The following REC114 variants were observed in gnomAD, a reference collection of about 807,000 sequenced individuals.
The protein encoded by REC114 is REC114 meiotic recombination protein, also known as meiotic recombination protein REC114.
Under a neutral mutation model 31.3 loss-of-function variants are expected in REC114, and 27 were observed. The observed-to-expected ratio is 0.86, with a 90% CI of 0.64 to 1.19. The LOEUF is 1.19. Ranked by LOEUF, REC114 falls within the 50% of genes most tolerant of loss-of-function variation. The pLI is 0.00. For synonymous variants in REC114, 134 were observed against 127.7 expected (o/e 1.05, Z -0.33); for missense variants, 344 against 326.9 (o/e 1.05, Z -0.40).
chr15:73,509,184 T>A (rs1362749821), intron 2 of REC114, among the ~76,000 whole-genome samples: 1 of 152,206 alleles, frequency 6.6e-6, no homozygotes, highest in Admixed American at 6.5e-5. Context: ...TTTGCGTTTC[T>A]CTGATGGCCA....
At chr15:73,461,029 T>TA (rs1392330016) in intron 1 of REC114, among the ~76,000 whole-genome samples, 1 of 152,130 alleles carries the variant, frequency 6.6e-6, no homozygotes, top group African/African-American at 2.4e-5. Context: ...AAAGGGGAAT[T>TA]ACATCTCATG....
chr15:73,520,377 T>C (rs1012104769), intron 2 of REC114, among the ~76,000 whole-genome samples: 1 of 152,100 alleles, frequency 6.6e-6, no homozygotes, highest in Non-Finnish European at 1.5e-5. Flanking sequence ...ATTACAGGCG[T>C]GTGCCACCAC....
At chr15:73,529,123 A>ATTAT (rs1161849349) in intron 2 of REC114, among the ~76,000 whole-genome samples, 10 of 151,256 alleles carry the variant, frequency 6.6e-5, no homozygotes, top group African/African-American at 1.5e-4. Context: ...TTTTATTTTT[A>ATTAT]TTATTTATTT....
At chr15:73,550,217 T>C (rs2141335111) in intron 3 of REC114, among the ~76,000 whole-genome samples, 1 of 152,354 alleles carries the variant, frequency 6.6e-6, no homozygotes, top group African/African-American at 2.4e-5. Flanking sequence ...GTTATTGTTA[T>C]AATCTAGATG....
chr15:73,540,513 A>G lies in REC114; in HGVS notation c.278A>G (p.Asp93Gly). The stretch of plus-strand genomic sequence containing the variant: ...GGGTTTTCACTCATTGGTAGCAAGG[A>G]CTGGTTGAAGATTGTAAGACGCGTG... ...LEGFSLIGSKDWLKIVRRVDC... is the reference protein window; with the variant it reads ...LEGFSLIGSKGWLKIVRRVDC... The change falls in exon 3 of 6, where the codon GAC becomes GGC. Residue 93 changes from aspartate (D) to glycine (G), a missense_variant. Transcript: ENST00000331090. The G allele has an allele frequency of 6.2e-7, 1 of 1,613,894 alleles. No homozygotes were observed. The highest frequency in any genetic ancestry group is 8.5e-7 in the Non-Finnish European group (1 of 1,179,836).
At chr15:73,462,066 G>A (rs1298376214) in intron 1 of REC114, among the ~76,000 whole-genome samples, 1 of 150,788 alleles carries the variant, frequency 6.6e-6, no homozygotes. Flanking sequence ...TTAGTAGCTG[G>A]GATTACAGGC....
intron 2 of REC114, among the ~76,000 whole-genome samples, chr15:73,478,473 C>T (rs529229614): frequency 3.0e-4 from 46 of 152,176 alleles, no homozygotes; most frequent in African/African-American, 9.9e-4. Flanking sequence ...ACTCCAATAA[C>T]ACACTGTCTT....
At chr15:73,536,400 C>G (rs1424061307) in intron 2 of REC114, among the ~76,000 whole-genome samples, 1 of 152,204 alleles carries the variant, frequency 6.6e-6, no homozygotes, top group Admixed American at 6.5e-5. Context: ...TCCCCCTCCT[C>G]TTGGACAGAT....
intron 3 of REC114, among the ~76,000 whole-genome samples, chr15:73,548,552 T>TA (rs1161706252): frequency 1.3e-5 from 2 of 152,040 alleles, no homozygotes; most frequent in African/African-American, 2.4e-5. Context: ...TACTAAAAAG[T>TA]AAAAAAATAA....
rs76956465 is a variant in REC114, at chr15:73,517,384, G to A, written c.250-23101G>A. 8.0e-3 allele frequency among the ~76,000 whole-genome samples: 1,222 copies of A among 152,310 alleles called. 24 individuals carry two copies. The highest frequency in any genetic ancestry group is 0.028 in the African/African-American group (1,168 of 41,562). On this transcript the variant is annotated intron_variant, in intron 2 of 5. Transcript: ENST00000331090. The stretch of plus-strand genomic sequence containing the variant: ...TGTGGAGAAGAGGAAGAGTGGGCAA[G>A]AAGATACATGAAGCCTACTTAGGAG...
At chr15:73,493,398 T>G (rs1893472968) in intron 2 of REC114, among the ~76,000 whole-genome samples, 1 of 152,232 alleles carries the variant, frequency 6.6e-6, no homozygotes, top group South Asian at 2.1e-4. Flanking sequence ...AAAATTTACT[T>G]CTATTTCCAG....
intron 1 of REC114, among the ~76,000 whole-genome samples, chr15:73,444,103 C>A (rs1892734726): frequency 6.6e-6 from 1 of 152,240 alleles, no homozygotes; most frequent in African/African-American, 2.4e-5. Context: ...CTCACCTGAG[C>A]CTTCAGCAGG....
chr15:73,529,916 TAAC>T (rs2141324145), intron 2 of REC114, among the ~76,000 whole-genome samples: 1 of 152,326 alleles, frequency 6.6e-6, no homozygotes, highest in African/African-American at 2.4e-5. Flanking sequence ...ACAAATATAA[TAAC>T]TTTTCATGGC....
chr15:73,502,410 A>AT (rs1475378201), intron 2 of REC114, among the ~76,000 whole-genome samples: 4 of 152,152 alleles, frequency 2.6e-5, no homozygotes, highest in African/African-American at 7.2e-5. Context: ...AACGTAACTA[A>AT]TAGCCTACCG....
chr15:73,514,855 A>G (rs962545423), intron 2 of REC114, among the ~76,000 whole-genome samples: 2 of 152,190 alleles, frequency 1.3e-5, no homozygotes, highest in African/African-American at 4.8e-5. Flanking sequence ...TGTAATTGGC[A>G]TAAGTTTAAG....
intron 2 of REC114, among the ~76,000 whole-genome samples, chr15:73,491,200 G>A (rs1043105306): frequency 7.3e-6 from 1 of 137,014 alleles, no homozygotes; most frequent in African/African-American, 2.7e-5. Flanking sequence ...GTGTATTTGT[G>A]TATTATCTTA....
At chr15:73,556,213 A>G in intron 4 of REC114, 89 bp from the exon 5 acceptor site, 3 of 1,091,396 alleles carry the variant, frequency 2.7e-6, no homozygotes, top group Non-Finnish European at 4.0e-6. Flanking sequence ...CTTTCTTTGA[A>G]CATGAATGCA....
chr15:73,540,113 TAATA>T (rs1275284524), intron 2 of REC114, among the ~76,000 whole-genome samples: 17 of 152,222 alleles, frequency 1.1e-4, no homozygotes, highest in African/African-American at 4.1e-4. Flanking sequence ...CCAGATAAGT[TAATA>T]AATCAGTATA....
chr15:73,507,878 C>G (rs1004847897), intron 2 of REC114, among the ~76,000 whole-genome samples: 3 of 151,906 alleles, frequency 2.0e-5, no homozygotes, highest in African/African-American at 7.3e-5. Flanking sequence ...CAGTAGCAAT[C>G]AGAATGAAGC....
Sources: allele counts gnomAD v4.1 joint callset (sites outside exome capture counted in the v4.1 genomes callset), GRCh38; gene constraint gnomAD v4.1.1; transcripts MANE v1.5; gene names NCBI Gene and HGNC (gene_info 2026-07-23, HGNC 2026-07-21).